The following PHACTR3 variants were observed in gnomAD, a reference collection of about 807,000 sequenced individuals.
The protein encoded by PHACTR3 is phosphatase and actin regulator 3.
In PHACTR3, 16 loss-of-function variants were observed where a neutral mutation model predicts 66.8. The observed-to-expected ratio is 0.24, with a 90% CI of 0.16 to 0.36. The LOEUF (loss-of-function observed/expected upper bound fraction) is 0.36. Among genes scored for constraint, PHACTR3 ranks in the 10% least tolerant of loss-of-function variants. PHACTR3 has a pLI of 1.00. For synonymous variants in PHACTR3, 323 were observed against 292.1 expected, an observed-to-expected ratio of 1.11 and a Z score of -1.08; for missense variants, 647 against 719.9, an observed-to-expected ratio of 0.90 and a Z score of 1.16.
intron 1 of PHACTR3, among the ~76,000 whole-genome samples, chr20:59,581,353 A>C (rs1246015091): frequency 6.6e-6 from 1 of 152,162 alleles, no homozygotes; most frequent in Non-Finnish European, 1.5e-5. Flanking sequence ...CTTTCCCCCC[A>C]GGGTGCTCAG....
chr20:59,774,769 AC>A (rs1355440437), intron 7 of PHACTR3, among the ~76,000 whole-genome samples: 5 of 152,180 alleles, frequency 3.3e-5, no homozygotes, highest in African/African-American at 1.2e-4. Flanking sequence ...AAAAAAAAAA[AC>A]AACATAAAAG....
At chr20:59,718,184 G>T (rs2146669006) in intron 1 of PHACTR3, among the ~76,000 whole-genome samples, 1 of 152,230 alleles carries the variant, frequency 6.6e-6, no homozygotes, top group African/African-American at 2.4e-5. Context: ...TGTCACTGTT[G>T]GTGCCCACCT....
At chr20:59,663,306 A>G (rs1009812813) in intron 1 of PHACTR3, among the ~76,000 whole-genome samples, 1 of 152,166 alleles carries the variant, frequency 6.6e-6, no homozygotes, top group Admixed American at 6.5e-5. Flanking sequence ...TCAACCTGCT[A>G]CAGAGAGGGA....
intron 1 of PHACTR3, among the ~76,000 whole-genome samples, chr20:59,581,579 C>G (rs1222240249): frequency 6.6e-6 from 1 of 152,158 alleles, no homozygotes; most frequent in Non-Finnish European, 1.5e-5. Flanking sequence ...GGAGTGATCC[C>G]CAATCTTTAG....
intron 1 of PHACTR3, among the ~76,000 whole-genome samples, chr20:59,587,525 C>G (rs1173550756): frequency 3.9e-5 from 6 of 152,234 alleles, no homozygotes; most frequent in Admixed American, 3.9e-4. Flanking sequence ...AACTCAGCAG[C>G]TAAAGCATCA....
chr20:59,726,454 C>A (rs2038564526), intron 1 of PHACTR3, among the ~76,000 whole-genome samples: 1 of 152,184 alleles, frequency 6.6e-6, no homozygotes, highest in South Asian at 2.1e-4. Context: ...GCCACCAGGT[C>A]AAGCCAGACT....
intron 1 of PHACTR3, among the ~76,000 whole-genome samples, chr20:59,585,736 C>T (rs1030855428): frequency 6.6e-6 from 1 of 152,196 alleles, no homozygotes; most frequent in African/African-American, 2.4e-5. Context: ...GCAGGGAGGC[C>T]TCCTCTCCTC....
chr20:59,737,391 A>T (rs940915737), intron 1 of PHACTR3, among the ~76,000 whole-genome samples: 4 of 152,184 alleles, frequency 2.6e-5, no homozygotes, highest in African/African-American at 7.2e-5. Context: ...GCAAACATCC[A>T]TCAAGGGCCT....
chr20:59,610,326 C>G (rs900324588), intron 1 of PHACTR3, among the ~76,000 whole-genome samples: 1 of 152,284 alleles, frequency 6.6e-6, no homozygotes, highest in African/African-American at 2.4e-5. Flanking sequence ...GACAATGGAC[C>G]CCTTTGTCTT....
chr20:59,691,855 C>T (rs1449899456), intron 1 of PHACTR3, among the ~76,000 whole-genome samples: 3 of 152,194 alleles, frequency 2.0e-5, no homozygotes, highest in Non-Finnish European at 4.4e-5. Flanking sequence ...CCTGAACCCA[C>T]CTCCAGATCC....
At chr20:59,786,471 C>T (rs1308419843) in intron 7 of PHACTR3, among the ~76,000 whole-genome samples, 2 of 152,234 alleles carry the variant, frequency 1.3e-5, no homozygotes, top group South Asian at 2.1e-4. Flanking sequence ...GGTCCATCCA[C>T]AGCAGCCCAG....
chr20:59,614,937 C>T (rs757602842), intron 1 of PHACTR3, among the ~76,000 whole-genome samples: 5 of 152,088 alleles, frequency 3.3e-5, no homozygotes, highest in African/African-American at 4.8e-5. Context: ...GACTTTGGCA[C>T]GTTTATTGGC....
intron 10 of PHACTR3, 148 bp downstream of exon 10, chr20:59,840,578 A>G: frequency 7.7e-7 from 1 of 1,294,060 alleles, no homozygotes; most frequent in Non-Finnish European, 1.0e-6. Flanking sequence ...AAATCAGGAT[A>G]TTTGCTCAGC....
chr20:59,721,808 C>G (rs1163345158), intron 1 of PHACTR3, among the ~76,000 whole-genome samples: 1 of 152,176 alleles, frequency 6.6e-6, no homozygotes, highest in Non-Finnish European at 1.5e-5. Context: ...TATTGAGCCC[C>G]TGCTGCTCTG....
chr20:59,818,751 T>C (rs555634179), intron 8 of PHACTR3, among the ~76,000 whole-genome samples: 1 of 152,218 alleles, frequency 6.6e-6, no homozygotes. Flanking sequence ...TTGATCTTCT[T>C]CAGATCCTTT....
At chr20:59,748,436 C>G in intron 3 of PHACTR3, among the ~76,000 whole-genome samples, 1 of 152,170 alleles carries the variant, frequency 6.6e-6, no homozygotes, top group East Asian at 1.9e-4. Context: ...CAGAACAAAT[C>G]CTGATCTCTT....
At chr20:59,728,881 G>C (rs1890279099) in intron 1 of PHACTR3, among the ~76,000 whole-genome samples, 1 of 151,726 alleles carries the variant, frequency 6.6e-6, no homozygotes, top group Admixed American at 6.6e-5. Context: ...TTTGGGTTGG[G>C]TGGGAGGGTG....
Position 59,844,085 on chromosome 20 carries a change from TAATC to T in PHACTR3, c.1588-1101_1588-1098del, listed in dbSNP as rs1254826880. The stretch of plus-strand genomic sequence containing the variant: ...ATATGGAAAAAATGCTCAACATCAT[TAATC>T]AACAGGGAAATGCAAATCAAAACCA... On this transcript the variant is annotated intron_variant, in intron 11 of 12. Transcript: ENST00000371015. 3.9e-5 allele frequency: 6 copies of T among 152,110 alleles called. 1 individual carries two copies. Among genetic ancestry groups the T allele is most frequent in the African/African-American group, 1.4e-4 (6 of 41,430 alleles). The allele number at this position is 152,110 out of a possible 1,614,324, so 9.4% of individuals were successfully genotyped here.
At chr20:59,756,676 C>CTT (rs143052000) in intron 4 of PHACTR3, among the ~76,000 whole-genome samples, 2 of 147,014 alleles carry the variant, frequency 1.4e-5, no homozygotes, top group African/African-American at 2.5e-5. Flanking sequence ...TGGCGTGGTT[C>CTT]TTTTTTTTTT....
Sources: gnomAD v4.1 joint callset for allele counts (sites outside exome capture counted in the v4.1 genomes callset) on GRCh38, gnomAD v4.1.1 for gene constraint, MANE v1.5 for transcripts, NCBI Gene and HGNC (gene_info 2026-07-23, HGNC 2026-07-21) for gene names.